MBD5: variants seen among roughly 807,000 people sequenced by gnomAD.
MBD5 encodes methyl-CpG binding domain protein 5.
MBD5 carries 13 observed loss-of-function variants against 117.3 expected under a neutral mutation model. The ratio of observed to expected loss-of-function variants is 0.11; its 90% CI spans 0.07 to 0.18. The LOEUF is 0.18. Among genes scored for constraint, MBD5 ranks in the 10% least tolerant of loss-of-function variants. MBD5 has a pLI of 1.00. For synonymous variants in MBD5, 727 were observed against 766.4 expected (o/e 0.95, Z 0.85); for missense variants, 1,879 against 2,093.8 (o/e 0.90, Z 2.00).
At chr2:148,058,546 T>A (rs183431976) in intron 1 of MBD5, among the ~76,000 whole-genome samples, 133 of 152,092 alleles carry the variant, frequency 8.7e-4, no homozygotes, top group East Asian at 3.9e-3. Flanking sequence ...GCTTTTTTTT[T>A]AAAAAGAGAT....
chr2:148,483,766 C>T lies in MBD5; in HGVS notation c.3175C>T (p.Pro1059Ser), dbSNP rs1043443688. Residue 1059 changes from proline to serine, a missense_variant, in exon 9 of 14, where the codon CCA (proline) becomes TCA (serine). Pro to Ser is a moderately conservative substitution (Grantham distance 74). Coordinates refer to ENST00000642680, the MANE Select transcript of MBD5 (RefSeq NM_001378120.1). ...AACCAGCCCCCTGGGGAACCCTTTA[C>T]CAAGCTTTGCAGGCAGTGACACTAC... ...LLTSPLGNPL[P>S]SFAGSDTTFN... is the part of the protein sequence containing the mutation. The T allele has an allele frequency of 6.4e-7, 1 of 1,550,484 alleles. No individual in the cohort carries two copies. The highest frequency in any genetic ancestry group is 1.2e-5 in the South Asian group (1 of 84,064).
intron 2 of MBD5, among the ~76,000 whole-genome samples, 172 bp downstream of exon 2, chr2:148,178,965 G>C (rs1397333905): frequency 6.6e-6 from 1 of 152,018 alleles, no homozygotes; most frequent in Non-Finnish European, 1.5e-5. Context: ...ATATCATCTT[G>C]ACAGAAAGTA....
intron 4 of MBD5, among the ~76,000 whole-genome samples, chr2:148,445,281 C>A: frequency 2.0e-5 from 3 of 150,794 alleles, no homozygotes; most frequent in African/African-American, 7.4e-5. Flanking sequence ...TGCTATCCCT[C>A]CCCGCTCCCC....
chr2:148,319,271 G>T (rs1477115408), intron 3 of MBD5, among the ~76,000 whole-genome samples: 1 of 152,062 alleles, frequency 6.6e-6, no homozygotes, highest in African/African-American at 2.4e-5. Context: ...TTTTAGGATT[G>T]TTTTTTCTAA....
chr2:148,236,143 A>G (rs973132489), intron 3 of MBD5, among the ~76,000 whole-genome samples: 1 of 152,108 alleles, frequency 6.6e-6, no homozygotes, highest in Non-Finnish European at 1.5e-5. Context: ...ATGGTTGCTA[A>G]CATCCAGGCA....
chr2:148,398,413 C>T (rs1272485175), intron 4 of MBD5, among the ~76,000 whole-genome samples: 15 of 152,006 alleles, frequency 9.9e-5, no homozygotes, highest in East Asian at 1.9e-4. Context: ...TGATGATGAG[C>T]ATTTTTTCAT....
At chr2:148,035,608 G>C (rs1449813364) in intron 1 of MBD5, among the ~76,000 whole-genome samples, 3 of 152,096 alleles carry the variant, frequency 2.0e-5, no homozygotes, top group Non-Finnish European at 2.9e-5. Context: ...CATTGGTTTT[G>C]GTGATTGTTA....
chr2:148,462,219 A>G (rs1428687563), intron 5 of MBD5, among the ~76,000 whole-genome samples: 8 of 152,174 alleles, frequency 5.3e-5, no homozygotes, highest in African/African-American at 1.9e-4. Flanking sequence ...TAGATATTCT[A>G]GTTTAAAATG....
intron 3 of MBD5, among the ~76,000 whole-genome samples, chr2:148,258,711 A>G (rs1395605619): frequency 6.6e-6 from 1 of 152,190 alleles, no homozygotes; most frequent in Admixed American, 6.5e-5. Context: ...CAAAGCTAAG[A>G]GTACTTCATT....
chr2:148,510,288 A>G (rs1388764122), intron 13 of MBD5, among the ~76,000 whole-genome samples, 153 bp downstream of exon 13: 1 of 152,268 alleles, frequency 6.6e-6, no homozygotes, highest in Non-Finnish European at 1.5e-5. Flanking sequence ...GAAAAGATTC[A>G]AAGTCATTTA....
rs72857668 is a variant in MBD5 at position 148,339,332 on chromosome 2, A to G, written c.-679-2882A>G. 8.5e-3 allele frequency among the ~76,000 whole-genome samples: 1,289 copies of G among 152,136 alleles called. 12 individuals carry two copies. The highest frequency in any genetic ancestry group is 0.013 in the Non-Finnish European group (863 of 67,972). The stretch of plus-strand genomic sequence containing the variant: ...CCTTTCCCAGCTTTCTTTCACCCAC[A>G]TGGGCCAAAGTGAGTGGCCCTCAAG... On this transcript the variant is annotated intron_variant, in intron 3 of 13. Transcript: ENST00000642680.
At chr2:148,280,867 G>T (rs1344723081) in intron 3 of MBD5, among the ~76,000 whole-genome samples, 1 of 152,140 alleles carries the variant, frequency 6.6e-6, no homozygotes, top group Non-Finnish European at 1.5e-5. Flanking sequence ...AAGTGTTTAG[G>T]CTACAGTTGT....
At chr2:148,389,250 ACATATATATATATATATAT>A (rs1559050915) in intron 4 of MBD5, among the ~76,000 whole-genome samples, 2 of 29,120 alleles carry the variant, frequency 6.9e-5, no homozygotes, top group African/African-American at 2.4e-4. Context: ...GGAAAAAAAA[ACATATATATATATATATAT>A]ATATATATAT....
intron 1 of MBD5, among the ~76,000 whole-genome samples, chr2:148,125,530 A>T (rs1188284771): frequency 6.6e-6 from 1 of 152,246 alleles, no homozygotes; most frequent in African/African-American, 2.4e-5. Flanking sequence ...CATATAATTC[A>T]GTATATAAAT....
At chr2:148,349,049 T>C (rs965986401) in intron 4 of MBD5, among the ~76,000 whole-genome samples, 1 of 151,980 alleles carries the variant, frequency 6.6e-6, no homozygotes, top group Non-Finnish European at 1.5e-5. Flanking sequence ...TATTTTATTA[T>C]ATTTAATTTA....
At chr2:148,098,701 C>G (rs558907970) in intron 1 of MBD5, among the ~76,000 whole-genome samples, 1 of 152,024 alleles carries the variant, frequency 6.6e-6, no homozygotes, top group Non-Finnish European at 1.5e-5. Context: ...TCAGAAGTCC[C>G]GTGGTGATTC....
chr2:148,384,346 G>T (rs1398491690), intron 4 of MBD5, among the ~76,000 whole-genome samples: 6 of 152,022 alleles, frequency 3.9e-5, no homozygotes, highest in Non-Finnish European at 8.8e-5. Flanking sequence ...AATCATGAGG[G>T]AACTCCCATT....
At chr2:148,035,433 A>G (rs1694169352) in intron 1 of MBD5, among the ~76,000 whole-genome samples, 1 of 152,148 alleles carries the variant, frequency 6.6e-6, no homozygotes, top group African/African-American at 2.4e-5. Context: ...TTGAACTCCT[A>G]CATTTTTCTG....
intron 1 of MBD5, among the ~76,000 whole-genome samples, chr2:148,113,646 C>G (rs1408436537): frequency 2.0e-5 from 3 of 152,194 alleles, no homozygotes; most frequent in Non-Finnish European, 4.4e-5. Context: ...GGACAGAATG[C>G]TGAAACTGGA....
Sources: gnomAD v4.1 joint callset for allele counts (sites outside exome capture counted in the v4.1 genomes callset) on GRCh38, gnomAD v4.1.1 for gene constraint, MANE v1.5 for transcripts, NCBI Gene and HGNC (gene_info 2026-07-23, HGNC 2026-07-21) for gene names.